The following SYNPR variants were observed in gnomAD, a reference collection of about 807,000 sequenced individuals.
The protein encoded by SYNPR is synaptoporin.
SYNPR carries 23 observed loss-of-function variants against 32.9 expected under a neutral mutation model. The observed-to-expected ratio is 0.70, with a 90% confidence interval of 0.50 to 0.99. The LOEUF is 0.99. Among genes scored for constraint, SYNPR ranks in the 50% least tolerant of loss-of-function variants. The pLI, the probability that SYNPR is intolerant of heterozygous loss-of-function variation, is 0.00. For synonymous variants in SYNPR, 146 were observed against 135.9 expected (o/e 1.07, Z -0.52); for missense variants, 318 against 349.3 (o/e 0.91, Z 0.71).
intron 4 of SYNPR, among the ~76,000 whole-genome samples, chr3:63,593,352 C>T (rs768409181): frequency 2.0e-5 from 3 of 151,956 alleles, no homozygotes; most frequent in Admixed American, 6.6e-5. Flanking sequence ...ATATGATTTA[C>T]GACAGTATTG....
chr3:63,416,600 C>A (rs961257825), intron 2 of SYNPR, among the ~76,000 whole-genome samples: 4 of 150,064 alleles, frequency 2.7e-5, no homozygotes, highest in African/African-American at 9.8e-5. Flanking sequence ...GTGTATTAGT[C>A]CGTTTTCATG....
At chr3:63,471,954 C>T (rs556868679) in intron 2 of SYNPR, among the ~76,000 whole-genome samples, 2 of 152,326 alleles carry the variant, frequency 1.3e-5, no homozygotes, top group South Asian at 4.1e-4. Flanking sequence ...GCATAACCTA[C>T]TCACATCAGG....
At chr3:63,258,162 C>T (rs1207790705) in intron 2 of SYNPR, among the ~76,000 whole-genome samples, 1 of 152,086 alleles carries the variant, frequency 6.6e-6, no homozygotes, top group Non-Finnish European at 1.5e-5. Context: ...GACAGATCAA[C>T]AAGACAGAAA....
chr3:63,606,199 G>T (rs779158302), intron 4 of SYNPR, among the ~76,000 whole-genome samples: 4 of 152,058 alleles, frequency 2.6e-5, no homozygotes, highest in Non-Finnish European at 5.9e-5. Context: ...TCTGCCTAAT[G>T]ACAAAGTCTG....
intron 2 of SYNPR, among the ~76,000 whole-genome samples, chr3:63,347,452 A>T (rs1051950075): frequency 1.6e-4 from 24 of 152,118 alleles, no homozygotes; most frequent in Non-Finnish European, 2.9e-4. Flanking sequence ...TTCATATACT[A>T]TTGCTAAATA....
chr3:63,413,218 G>A (rs1026990099), intron 2 of SYNPR, among the ~76,000 whole-genome samples: 2 of 152,098 alleles, frequency 1.3e-5, no homozygotes, highest in Non-Finnish European at 2.9e-5. Context: ...TTGGAACAAG[G>A]TACAGTGTGT....
chr3:63,258,457 A>G (rs60718853), intron 2 of SYNPR, among the ~76,000 whole-genome samples: 11,792 of 152,030 alleles, frequency 0.078, 1,328 homozygotes, highest in African/African-American at 0.25. Flanking sequence ...TGAACAACCT[A>G]CTCCTGAATG....
the SYNPR span, among the ~76,000 whole-genome samples, chr3:63,207,657 A>G: frequency 6.6e-6 from 1 of 152,302 alleles, no homozygotes; most frequent in East Asian, 1.9e-4. Context: ...GAACTCTTGA[A>G]AGTCAAATAT....
chr3:63,299,913 C>T (rs1350073433), intron 2 of SYNPR, among the ~76,000 whole-genome samples: 2 of 152,070 alleles, frequency 1.3e-5, no homozygotes, highest in African/African-American at 2.4e-5. Context: ...GTTGGGGATA[C>T]TAATCTTTAG....
At chr3:63,595,745 A>ATATAATTT (rs1553650658) in intron 4 of SYNPR, among the ~76,000 whole-genome samples, 1 of 41,928 alleles carries the variant, frequency 2.4e-5, no homozygotes, top group Non-Finnish European at 3.6e-5. Flanking sequence ...ATATATATAT[A>ATATAATTT]TATATATATA....
intron 3 of SYNPR, among the ~76,000 whole-genome samples, chr3:63,535,361 A>G (rs981599695): frequency 1.3e-5 from 2 of 152,154 alleles, no homozygotes; most frequent in African/African-American, 4.8e-5. Flanking sequence ...GCCTTTTGAT[A>G]TAGACTACAA....
At chr3:63,606,522 C>T (rs551734733) in intron 4 of SYNPR, among the ~76,000 whole-genome samples, 40 of 145,330 alleles carry the variant, frequency 2.8e-4, no homozygotes, top group African/African-American at 1.0e-3. Context: ...ACTTCAAACT[C>T]CTGGGATCAG....
intron 4 of SYNPR, among the ~76,000 whole-genome samples, chr3:63,595,749 A>AGT (rs1262792587): frequency 2.3e-5 from 1 of 44,396 alleles, no homozygotes; most frequent in Non-Finnish European, 3.5e-5. Context: ...ATATATATAT[A>AGT]TATATATATA....
chr3:63,515,998 G>A (rs62252781), intron 3 of SYNPR, among the ~76,000 whole-genome samples: 16,800 of 151,796 alleles, frequency 0.11, 1,179 homozygotes, highest in Non-Finnish European at 0.16. Flanking sequence ...CAATGAATTC[G>A]GCTAATATAA....
chr3:63,275,931 G>A (rs899133795), upstream of SYNPR, among the ~76,000 whole-genome samples: 8 of 152,054 alleles, frequency 5.3e-5, no homozygotes, highest in Non-Finnish European at 1.0e-4. Flanking sequence ...ATTTTGGTTC[G>A]GCTACTTTAC....
intron 2 of SYNPR, among the ~76,000 whole-genome samples, chr3:63,441,460 T>C (rs935294615): frequency 2.1e-4 from 32 of 152,334 alleles, no homozygotes; most frequent in African/African-American, 7.2e-4. Flanking sequence ...CTGCCCCTTA[T>C]CAGCCACCTG....
intron 2 of SYNPR, among the ~76,000 whole-genome samples, chr3:63,362,722 G>T (rs1361214231): frequency 6.6e-6 from 1 of 152,152 alleles, no homozygotes; most frequent in Non-Finnish European, 1.5e-5. Context: ...TGGGTATTAG[G>T]AAAGGCTTCC....
intron 2 of SYNPR, among the ~76,000 whole-genome samples, chr3:63,341,450 T>C (rs2087370069): frequency 6.6e-6 from 1 of 152,234 alleles, no homozygotes; most frequent in Non-Finnish European, 1.5e-5. Flanking sequence ...AGAGTGACTG[T>C]ACCATTTTGT....
intron 3 of SYNPR, among the ~76,000 whole-genome samples, chr3:63,501,792 T>C (rs1331148848): frequency 6.6e-6 from 1 of 152,146 alleles, no homozygotes; most frequent in African/African-American, 2.4e-5. Flanking sequence ...TTTAACACAA[T>C]GTTAGAAAGT....
Sources: allele counts gnomAD v4.1 joint callset (sites outside exome capture counted in the v4.1 genomes callset), GRCh38; gene constraint gnomAD v4.1.1; transcripts MANE v1.5; gene names NCBI Gene and HGNC (gene_info 2026-07-23, HGNC 2026-07-21).